SCRIB: variants seen among roughly 807,000 people sequenced by gnomAD.
SCRIB encodes the protein protein scribble homolog.
Under a neutral mutation model 170.0 loss-of-function variants are expected in SCRIB, and 72 were observed. The ratio of observed to expected loss-of-function variants is 0.42; its 90% confidence interval spans 0.35 to 0.52. The LOEUF is 0.52. SCRIB is among the 20% of genes least tolerant of loss of function. SCRIB has a pLI of 0.02. For synonymous variants in SCRIB, 1,298 were observed against 1,044.3 expected (o/e 1.24, Z -4.68); for missense variants, 2,475 against 2,338.5 (o/e 1.06, Z -1.20).
intron 14 of SCRIB, 25 bp downstream of exon 14, chr8:143,809,526 C>T (rs1293406745): frequency 1.9e-6 from 3 of 1,597,336 alleles, no homozygotes; most frequent in African/African-American, 2.7e-5. Context: ...GCCCAGCCTC[C>T]TGCCTCCTTC....
chr8:143,805,046 C>A (rs528392914), intron 19 of SCRIB, 32 bp from the exon 20 acceptor site: 2 of 1,582,456 alleles, frequency 1.3e-6, no homozygotes, highest in Admixed American at 1.8e-5. Context: ...GCAGGGCTGC[C>A]GGTGAGGCTG....
chr8:143,803,389 G>A lies in SCRIB; in HGVS notation c.3597C>T (p.Ala1199=). 1 of 1,575,126 alleles carries A rather than the reference G, an allele frequency of 6.3e-7. No individual in the cohort carries two copies. Among genetic ancestry groups the A allele is most frequent in the Non-Finnish European group, 8.6e-7 (1 of 1,163,284 alleles). ...CDGFEASTDA[A]LEVSPGVIAN... is the part of the protein sequence containing the mutation. ...CCGGGGCGGGATCGCTAACCTCCAG[G>A]GCTGCGTCGGTGCTGGCCTCAAAGC... The change falls in exon 24 of 37, where the codon GCC becomes GCT. Residue 1199 remains alanine, a synonymous_variant. Transcript: ENST00000356994.
chr8:143,807,468 A>G, intron 16 of SCRIB, 84 bp downstream of exon 16: 11 of 1,094,440 alleles, frequency 1.0e-5, no homozygotes, highest in Non-Finnish European at 1.4e-5. Context: ...CTCAAGCAAC[A>G]GGGGCGGGGA....
intron 27 of SCRIB, 32 bp from the exon 28 acceptor site, chr8:143,793,994 T>A: frequency 6.2e-7 from 1 of 1,604,394 alleles, no homozygotes; most frequent in Non-Finnish European, 8.5e-7. Context: ...GGGGTGAGGA[T>A]GGGCAGGGCT....
At position 143,803,238 on chromosome 8, in the gene SCRIB, C is replaced by T. The variant is rs554064104; in HGVS notation, c.3603+145G>A. The T allele has an allele frequency of 4.9e-5, 38 of 778,480 alleles. No individual in the cohort carries two copies. In the South Asian group the frequency reaches 6.8e-4, roughly 14 times the overall value. 48.2% of individuals were successfully genotyped at this position (778,480 alleles called of 1,614,324 possible). On this transcript the variant is annotated intron_variant, in intron 24 of 36. Transcript: ENST00000356994. The stretch of plus-strand genomic sequence containing the variant: ...GGGCCCTCCGCCCACAGCTCCCCAG[C>T]CCGCACGGCTGATGCAGAGCCGCAG...
intron 24 of SCRIB, among the ~76,000 whole-genome samples, 162 bp downstream of exon 24, chr8:143,803,221 C>T (rs781980485): frequency 7.2e-5 from 11 of 152,210 alleles, no homozygotes; most frequent in South Asian, 2.1e-4. Flanking sequence ...CAGGGCCCTC[C>T]GCCCACAGCT....
rs752693021 is a variant in SCRIB at position 143,808,729 on chromosome 8, TTCC to T, written c.1992_1994del (p.Glu666del). ...CCTCCTCCTCCTGAGGACTACCCTC[TTCC>T]TCCTCCTCCTCCTCCTTCTGGGCCC... On this transcript the variant is annotated inframe_deletion, in exon 15 of 37. Transcript: ENST00000356994. The T allele has an allele frequency of 2.3e-4, 371 of 1,586,466 alleles. No individual in the cohort carries two copies. Among genetic ancestry groups the T allele is most frequent in the South Asian group, 7.4e-4 (64 of 86,754 alleles).
chr8:143,804,209 T>C (rs1815306336), intron 21 of SCRIB, 53 bp from the exon 22 acceptor site: 1 of 1,349,570 alleles, frequency 7.4e-7, no homozygotes, highest in Non-Finnish European at 1.0e-6. Flanking sequence ...AGGGAAAGGG[T>C]GTGGGAGGGC....
chr8:143,800,318 C>G (rs1815122867), intron 24 of SCRIB, among the ~76,000 whole-genome samples: 3 of 152,206 alleles, frequency 2.0e-5, no homozygotes, highest in Non-Finnish European at 4.4e-5. Context: ...ACAGCCCCCC[C>G]TCCATTTAAA....
At chr8:143,807,336 C>G (rs565560160) in intron 16 of SCRIB, among the ~76,000 whole-genome samples, 4 of 152,204 alleles carry the variant, frequency 2.6e-5, no homozygotes, top group Admixed American at 2.0e-4. Context: ...GCACCACAGG[C>G]GGCTGATGGG....
chr8:143,791,848 A>C lies in SCRIB; in HGVS notation c.4695+28T>G, dbSNP rs782726847. The C allele has an allele frequency of 1.1e-4, 173 of 1,536,812 alleles. 3 individuals are homozygous for C. The South Asian group carries it at 2.0e-3, about 18-fold the overall frequency. On this transcript the variant is annotated intron_variant, in intron 34 of 36. Coordinates refer to ENST00000356994, the MANE Select transcript of SCRIB (RefSeq NM_182706.5). The stretch of plus-strand genomic sequence containing the variant: ...CCCCACCCCCATGCCTCGGGGGTGA[A>C]GGGAAGGCATAGCCACCGGCTCCTC...
At chr8:143,806,878 G>A (rs1181330128) in intron 17 of SCRIB, 46 bp downstream of exon 17, 5 of 1,323,608 alleles carry the variant, frequency 3.8e-6, no homozygotes, top group Non-Finnish European at 5.3e-6. Flanking sequence ...GAACTGTGGT[G>A]GGGCAGGCCA....
At chr8:143,810,176 G>A (rs950962292) in intron 13 of SCRIB, among the ~76,000 whole-genome samples, 4 of 151,904 alleles carry the variant, frequency 2.6e-5, no homozygotes, top group African/African-American at 7.3e-5. Flanking sequence ...TGACACCCAC[G>A]GCAGTTCCAC....
intron 15 of SCRIB, 152 bp from the exon 16 acceptor site, chr8:143,807,766 C>T (rs1390931628): frequency 5.8e-6 from 4 of 692,658 alleles, no homozygotes; most frequent in Non-Finnish European, 1.0e-5. Flanking sequence ...ATCCTGGAGG[C>T]GTGAGTGACA....
Position 143,803,861 on chromosome 8 carries a change from C to T in SCRIB, c.3200G>A (p.Arg1067Gln), listed in dbSNP as rs782557168. ...GACTGCTTCTTGGTGCGTGGCATCC[C>T]GCACGTCTTGCCCGTTCACTGCCAG... ...RILAVNGQDV[R>Q]DATHQEAVSA... Residue 1067 changes from arginine (R) to glutamine (Q), a missense_variant, in exon 23 of 37, where the codon CGG becomes CAG. Physicochemically the swap from Arg to Gln is conservative, Grantham distance 43. Coordinates refer to ENST00000356994, the MANE Select transcript of SCRIB (RefSeq NM_182706.5). 2.4e-5 allele frequency: 38 copies of T among 1,601,414 alleles called. No homozygotes were observed. Among genetic ancestry groups the T allele is most frequent in the South Asian group, 3.3e-5 (3 of 89,568 alleles).
chr8:143,807,284 G>A (rs1483742113), intron 16 of SCRIB, among the ~76,000 whole-genome samples: 4 of 152,304 alleles, frequency 2.6e-5, no homozygotes, highest in Admixed American at 6.5e-5. Context: ...TGCCACCCTC[G>A]AGTGAGGACT....
chr8:143,811,207 C>T lies in SCRIB; in HGVS notation c.1045G>A (p.Val349Ile), dbSNP rs374896994. Residue 349 changes from valine (V) to isoleucine (I), a missense_variant, in exon 10 of 37, where the codon GTC (valine) becomes ATC (isoleucine). This residue lies in a region of SCRIB where 487 missense variants were observed against 558.1 expected (regional missense o/e 0.87). Coordinates refer to ENST00000356994, the MANE Select transcript of SCRIB (RefSeq NM_182706.5). ...GTGTGGGCCAGCTCTGGTGGCAGGA[C>T]GGCCAGGCGGTTGTCCCTCAAGGAG... ...VLSLRDNRLA[V>I]LPPELAHTTE... is the part of the protein sequence containing the mutation. The T allele has an allele frequency of 9.9e-6, 16 of 1,611,374 alleles. No individual in the cohort carries two copies. Among genetic ancestry groups the T allele is most frequent in the Admixed American group, 3.3e-5 (2 of 59,830 alleles).
intron 28 of SCRIB, 46 bp downstream of exon 28, chr8:143,793,854 G>C: frequency 6.3e-7 from 1 of 1,591,530 alleles, no homozygotes; most frequent in Non-Finnish European, 8.6e-7. Flanking sequence ...CATCTGCCCT[G>C]CCCTCCACCC....
At position 143,813,057 on chromosome 8, in the gene SCRIB, G is replaced by A. The variant is rs1439065850; in HGVS notation, c.615C>T (p.Asp205=). 3.1e-6 allele frequency: 5 copies of A among 1,589,016 alleles called. No homozygotes were observed. The highest frequency in any genetic ancestry group is 1.1e-5 in the South Asian group (1 of 88,578). The change falls in exon 7 of 37, where the codon GAC becomes GAT. Residue 205 remains aspartate, a synonymous_variant. Coordinates refer to ENST00000356994, the MANE Select transcript of SCRIB (RefSeq NM_182706.5). Reference sequence around the variant, plus strand: ...GGGGCAGTGCTGACAGCTGGTTCCGGTCAAGCCACAGCTCCCGAAGATTGG... The same window carrying A: ...GGGGCAGTGCTGACAGCTGGTTCCGATCAAGCCACAGCTCCCGAAGATTGG... The part of the protein sequence containing the change: ...ALPNLRELWL[D]RNQLSALPPE...
Sources: gnomAD v4.1 joint callset for allele counts (sites outside exome capture counted in the v4.1 genomes callset) on GRCh38, gnomAD v4.1.1 for gene constraint, gnomAD v4.1.1 regional missense constraint, MANE v1.5 for transcripts, NCBI Gene and HGNC (gene_info 2026-07-23, HGNC 2026-07-21) for gene names.